The following STOX1 variants were observed in gnomAD, a reference collection of about 807,000 sequenced individuals.
STOX1 encodes the protein storkhead-box protein 1.
STOX1 carries 57 observed loss-of-function variants against 74.8 expected under a neutral mutation model. The observed-to-expected ratio is 0.76, with a 90% CI of 0.62 to 0.95. The LOEUF (loss-of-function observed/expected upper bound fraction) is 0.95. STOX1 is among the 40% of genes least tolerant of loss of function. STOX1 has a pLI of 0.00. For missense variants in STOX1, 1,010 were observed against 1,117.0 expected (o/e 0.90, Z 1.37); for synonymous variants, 375 against 401.3 (o/e 0.93, Z 0.78).
Position 68,885,617 on chromosome 10 carries a change from T to C in STOX1, c.1821T>C (p.Tyr607=), listed in dbSNP as rs1017245199. 1.9e-6 allele frequency: 3 copies of C among 1,614,182 alleles called. No individual in the cohort carries two copies. The South Asian group carries it at 3.3e-5, about 18-fold the overall frequency. The part of the protein sequence containing the change: ...CCPFMESMLR[Y]EVYGGENEVI... Reference sequence around the variant, plus strand: ...CCTTTATGGAAAGCATGTTGAGATATGAAGTGTATGGTGGAGAAAATGAGG... The same window carrying C: ...CCTTTATGGAAAGCATGTTGAGATACGAAGTGTATGGTGGAGAAAATGAGG... Residue 607 remains tyrosine (Y), a synonymous_variant, in exon 3 of 4, where the codon TAT becomes TAC. Coordinates refer to ENST00000298596, the MANE Select transcript of STOX1 (RefSeq NM_152709.5).
chr10:68,872,239 T>C (rs938812869), intron 1 of STOX1, among the ~76,000 whole-genome samples: 2 of 151,980 alleles, frequency 1.3e-5, no homozygotes, highest in African/African-American at 4.8e-5. Flanking sequence ...TCTGAGTCCA[T>C]AAACACACTT....
intron 1 of STOX1, among the ~76,000 whole-genome samples, chr10:68,857,899 G>A (rs1479767633): frequency 1.3e-5 from 2 of 152,104 alleles, no homozygotes; most frequent in Non-Finnish European, 2.9e-5. Context: ...AGAACTGGCT[G>A]TGGGGCACTT....
chr10:68,837,410 G>A (rs891371443), intron 1 of STOX1, among the ~76,000 whole-genome samples: 1 of 152,188 alleles, frequency 6.6e-6, no homozygotes, highest in Non-Finnish European at 1.5e-5. Flanking sequence ...TGGCACAAAG[G>A]GCCTGCAGAG....
intron 1 of STOX1, among the ~76,000 whole-genome samples, chr10:68,866,811 T>C (rs2133571657): frequency 6.6e-6 from 1 of 152,058 alleles, no homozygotes. Context: ...TGTATAGGGG[T>C]GAGGGAGTGG....
downstream of STOX1, chr10:68,895,426 G>A (rs1003419702): frequency 2.6e-5 from 4 of 152,196 alleles, no homozygotes; most frequent in African/African-American, 9.7e-5. Context: ...GAATATGTGC[G>A]ATTAAATTGT....
At chr10:68,875,242 A>T (rs1348775826) in intron 1 of STOX1, among the ~76,000 whole-genome samples, 1 of 152,186 alleles carries the variant, frequency 6.6e-6, no homozygotes, top group Non-Finnish European at 1.5e-5. Flanking sequence ...GGGTAGGCCC[A>T]TGTGCTGACG....
intron 1 of STOX1, among the ~76,000 whole-genome samples, chr10:68,831,838 A>G (rs540824683): frequency 6.6e-6 from 1 of 152,174 alleles, no homozygotes; most frequent in Non-Finnish European, 1.5e-5. Context: ...ATTTCTCTAA[A>G]AAGAGAGACA....
intron 1 of STOX1, among the ~76,000 whole-genome samples, chr10:68,837,287 T>G (rs1425712818): frequency 6.6e-6 from 1 of 152,206 alleles, no homozygotes; most frequent in Admixed American, 6.5e-5. Context: ...GATGTTAGCG[T>G]AGTGAGAAGC....
intron 1 of STOX1, among the ~76,000 whole-genome samples, chr10:68,834,818 G>A (rs940961369): frequency 6.6e-6 from 1 of 152,074 alleles, no homozygotes; most frequent in African/African-American, 2.4e-5. Context: ...TATGCCTCCC[G>A]GGTTCAAGCG....
intron 1 of STOX1, among the ~76,000 whole-genome samples, chr10:68,852,159 C>T (rs939278811): frequency 7.9e-5 from 12 of 151,450 alleles, no homozygotes; most frequent in Non-Finnish European, 1.0e-4. Flanking sequence ...TGTTATCTCA[C>T]TGTCTTCTGA....
At chr10:68,844,409 C>T (rs1235513626) in intron 1 of STOX1, among the ~76,000 whole-genome samples, 1 of 151,274 alleles carries the variant, frequency 6.6e-6, no homozygotes, top group Non-Finnish European at 1.5e-5. Context: ...AGTGATCCTC[C>T]TGGCTCAGCC....
At chr10:68,888,895 C>A (rs1314405250) in intron 3 of STOX1, among the ~76,000 whole-genome samples, 1 of 124,998 alleles carries the variant, frequency 8.0e-6, no homozygotes, top group Non-Finnish European at 1.6e-5. Context: ...TGGGCTCAAG[C>A]AATTCAGCCT....
At chr10:68,828,996 G>T in intron 1 of STOX1, 1 of 985,414 alleles carries the variant, frequency 1.0e-6, no homozygotes, top group Non-Finnish European at 1.2e-6. Context: ...ACCCAGGCAG[G>T]TGTGTCAGCT....
chr10:68,852,705 C>T (rs1840019806), intron 1 of STOX1, among the ~76,000 whole-genome samples: 1 of 151,732 alleles, frequency 6.6e-6, no homozygotes, highest in Non-Finnish European at 1.5e-5. Context: ...GCCTCAGCCT[C>T]CTGAGTAACT....
chr10:68,874,592 C>T, intron 1 of STOX1, among the ~76,000 whole-genome samples: 2 of 85,884 alleles, frequency 2.3e-5, no homozygotes. Flanking sequence ...TCCCGGGAGG[C>T]GGAGCTTGCA....
chr10:68,862,931 G>A (rs1040228598), intron 1 of STOX1, among the ~76,000 whole-genome samples: 1 of 152,048 alleles, frequency 6.6e-6, no homozygotes, highest in African/African-American at 2.4e-5. Context: ...AATTACAGGA[G>A]CAGATTCATT....
intron 1 of STOX1, among the ~76,000 whole-genome samples, chr10:68,874,033 T>TTTTTTTTTTTTTTTTA (rs386371725): frequency 6.9e-6 from 1 of 145,080 alleles, no homozygotes; most frequent in African/African-American, 2.6e-5. Context: ...TTTTTTTTTT[T>TTTTTTTTTTTTTTTTA]TTTGCTTAAA....
chr10:68,872,075 G>A (rs1026064720), intron 1 of STOX1, among the ~76,000 whole-genome samples: 32 of 151,918 alleles, frequency 2.1e-4, no homozygotes, highest in African/African-American at 7.7e-4. Context: ...TCCCTAATGC[G>A]CATAGAAGAT....
rs200009384 is a variant in STOX1, at chr10:68,886,600, G to A, written c.2804G>A (p.Ser935Asn). 7.0e-5 allele frequency: 113 copies of A among 1,614,036 alleles called. No individual in the cohort carries two copies. The highest frequency in any genetic ancestry group is 1.7e-5 in the Admixed American group (1 of 59,996). ...GTENHSMAGD[S>N]GIDSPRTQSL... ...GAAAATCACAGCATGGCAGGAGATA[G>A]TGGAATAGATTCTCCACGGTAGGTC... The change falls in exon 3 of 4, where the codon AGT becomes AAT. Residue 935 changes from serine (S) to asparagine (N), a missense_variant. By Grantham distance (46) the Ser-to-Asn change is conservative. Transcript: ENST00000298596.
Sources: gnomAD v4.1 joint callset for allele counts (sites outside exome capture counted in the v4.1 genomes callset) on GRCh38, gnomAD v4.1.1 for gene constraint, MANE v1.5 for transcripts, NCBI Gene and HGNC (gene_info 2026-07-23, HGNC 2026-07-21) for gene names.